The following RNMT variants were observed in gnomAD, a reference collection of about 807,000 sequenced individuals.
RNMT encodes mRNA cap guanine-N(7) methyltransferase.
RNMT carries 27 observed loss-of-function variants against 56.0 expected under a neutral mutation model. The observed-to-expected ratio is 0.48, with a 90% CI of 0.36 to 0.67. RNMT has a LOEUF of 0.67. RNMT is among the 30% of genes least tolerant of loss of function. RNMT has a pLI of 0.00. For synonymous variants in RNMT, 184 were observed against 176.2 expected (o/e 1.04, Z -0.35); for missense variants, 519 against 552.1 (o/e 0.94, Z 0.60).
chr18:13,730,610 C>A lies in RNMT; in HGVS notation c.-171-17C>A, dbSNP rs2149080949. 1 of 152,358 alleles carries A rather than the reference C, an allele frequency of 6.6e-6. No individual in the cohort carries two copies. The allele number at this position is 152,358 out of a possible 1,614,324, so 9.4% of individuals were successfully genotyped here. A position where few individuals can be genotyped will look rare whatever the true frequency, so the allele number is the denominator to read the frequency against. On this transcript the variant is annotated splice_polypyrimidine_tract_variant and intron_variant, in intron 1 of 11. Coordinates refer to ENST00000383314, the MANE Select transcript of RNMT (RefSeq NM_003799.3). ...TTTCTGTTTTATTCTTGATTAATCA[C>A]AATCCCTTACTAACAGGATGTGTGA... is the stretch of plus-strand genomic sequence containing the variant.
Position 13,731,595 on chromosome 18 carries a change from A to G in RNMT, c.78A>G (p.Thr26=), listed in dbSNP as rs567175070. The G allele has an allele frequency of 3.1e-6, 5 of 1,613,776 alleles. No individual in the cohort carries two copies. The African/African-American group carries it at 6.7e-5, about 22-fold the overall frequency. ...CAAAAGCGTCAGTGAATTCTGAAAC[A>G]GAGTCTTCATTCAATATTAATGAAA... ...EQAKASVNSE[T]ESSFNINENT... is the part of the protein sequence containing the mutation. Residue 26 remains threonine, a synonymous_variant, in exon 3 of 12, where the codon ACA becomes ACG. Transcript: ENST00000383314.
intron 8 of RNMT, among the ~76,000 whole-genome samples, chr18:13,745,667 C>G (rs181020818): frequency 6.9e-4 from 105 of 151,388 alleles, no homozygotes; most frequent in African/African-American, 1.9e-3. Flanking sequence ...AGCTGAACTA[C>G]CGATAGCTGG....
In RNMT at chr18:13,764,218, T is replaced by C. The variant is rs1598433954; in HGVS notation, c.*4239T>C. 2 of 152,202 alleles carry C rather than the reference T, an allele frequency of 1.3e-5. No individual in the cohort carries two copies. 9.4% of individuals were successfully genotyped at this position (152,202 alleles called of 1,614,324 possible). A position where few individuals can be genotyped will look rare whatever the true frequency, so the allele number is the denominator to read the frequency against. ...GTATCCAGACAGAGGCAAATCATTT[T>C]GTTTAACTTTTTATTAAAGTGTAAC... is the stretch of plus-strand genomic sequence containing the variant. On this transcript the variant is annotated 3_prime_UTR_variant, in exon 12 of 12. Coordinates refer to ENST00000383314, the MANE Select transcript of RNMT (RefSeq NM_003799.3).
At position 13,734,544 on chromosome 18, in the gene RNMT, A is replaced by G. The variant is rs1261047668; in HGVS notation, c.498A>G (p.Gln166=). ...LQEVGLEKRS[Q]SRIFYLRNFN... ...AAGTTGGTTTGGAGAAGCGTAGTCA[A>G]AGTCGTATTTTTTACCTAAGAAACT... Residue 166 remains glutamine, a synonymous_variant, in exon 4 of 12, where the codon CAA becomes CAG. Coordinates refer to ENST00000383314, the MANE Select transcript of RNMT (RefSeq NM_003799.3). 6.2e-7 allele frequency: 1 copy of G among 1,613,706 alleles called. No homozygotes were observed. The highest frequency in any genetic ancestry group is 8.5e-7 in the Non-Finnish European group (1 of 1,179,712).
chr18:13,757,688 G>A (rs974055283), intron 11 of RNMT, among the ~76,000 whole-genome samples: 5 of 152,092 alleles, frequency 3.3e-5, no homozygotes, highest in Non-Finnish European at 5.9e-5. Flanking sequence ...CATGCATGAG[G>A]GTTGGAATCC....
At position 13,731,527 on chromosome 18, in the gene RNMT, T is replaced by G; in HGVS notation, c.10T>G (p.Ser4Ala). 1 of 1,587,640 alleles carries G rather than the reference T, an allele frequency of 6.3e-7. No homozygotes were observed. The highest frequency in any genetic ancestry group is 1.2e-5 in the South Asian group (1 of 86,426). MAN[S>A]AKAEEYEKMS... The stretch of plus-strand genomic sequence containing the variant: ...ATTCAAGTAATCATAAATGGCAAAT[T>G]CTGCAAAAGCAGAAGAATATGAAAA... Residue 4 changes from serine to alanine, a missense_variant, in exon 3 of 12, where the codon TCT becomes GCT. Transcript: ENST00000383314.
intron 7 of RNMT, 94 bp from the exon 8 acceptor site, chr18:13,742,394 C>A: frequency 9.2e-7 from 1 of 1,085,694 alleles, no homozygotes; most frequent in Non-Finnish European, 1.3e-6. Flanking sequence ...AAGTGTGCAT[C>A]ATGTAGTTTT....
In RNMT at chr18:13,741,662, T is replaced by G; in HGVS notation, c.945T>G (p.Ile315Met). 1 of 1,613,348 alleles carries G rather than the reference T, an allele frequency of 6.2e-7. No homozygotes were observed. The highest frequency in any genetic ancestry group is 2.2e-5 in the East Asian group (1 of 44,866). The change falls in exon 7 of 12, where the codon ATT becomes ATG. Residue 315 changes from isoleucine (I) to methionine (M), a missense_variant. By Grantham distance (10) the Ile-to-Met change is conservative. Transcript: ENST00000383314. ...CERLSPGGYFIGTTPNSFELI... is the reference protein window; with the variant it reads ...CERLSPGGYFMGTTPNSFELI... ...GACTTAGCCCTGGGGGCTATTTTAT[T>G]GGTACTACTCCCAATAGCTTTGAAT...
chr18:13,755,066 T>C (rs1182212544), intron 11 of RNMT, among the ~76,000 whole-genome samples: 1 of 152,218 alleles, frequency 6.6e-6, no homozygotes, highest in African/African-American at 2.4e-5. Context: ...GTTGGTGATG[T>C]TGAGGCACAA....
In RNMT at chr18:13,762,965, C is replaced by A; in HGVS notation, c.*2986C>A. On this transcript the variant is annotated 3_prime_UTR_variant, in exon 12 of 12. Transcript: ENST00000383314. ...TGTTTTTTGTTGAAAAACTGACTTTCTGTTGTCTACCTCAGGCCTTGTGCA... is the reference window on the plus strand; with the variant it reads ...TGTTTTTTGTTGAAAAACTGACTTTATGTTGTCTACCTCAGGCCTTGTGCA... The A allele has an allele frequency of 2.6e-6, 1 of 384,272 alleles. No homozygotes were observed. 23.8% of individuals were successfully genotyped at this position (384,272 alleles called of 1,614,324 possible). A position where few individuals can be genotyped will look rare whatever the true frequency, so the allele number is the denominator to read the frequency against.
Position 13,732,572 on chromosome 18 carries a change from CTG to C in RNMT, c.417+639_417+640del, listed in dbSNP as rs751680724. 4.1e-4 allele frequency among the ~76,000 whole-genome samples: 63 copies of C among 152,174 alleles called. 1 individual carries two copies. Among genetic ancestry groups the C allele is most frequent in the Non-Finnish European group, 6.9e-4 (47 of 68,014 alleles). On this transcript the variant is annotated intron_variant, in intron 3 of 11. Coordinates refer to ENST00000383314, the MANE Select transcript of RNMT (RefSeq NM_003799.3). ...ATATTATAGGGCAAGTTGTTTTCAT[CTG>C]GAAGTACCACATTAGAAAGGAATTT... is the stretch of plus-strand genomic sequence containing the variant.
chr18:13,741,606 G>A lies in RNMT; in HGVS notation c.889G>A (p.Ala297Thr), dbSNP rs768472917. Residue 297 changes from alanine (A) to threonine (T), a missense_variant, in exon 7 of 12, where the codon GCT (alanine) becomes ACT (threonine). By Grantham distance (58) the Ala-to-Thr change is moderately conservative. Transcript: ENST00000383314. ...CHYSFESYEQ[A>T]DMMLRNACER... ...TTACTCATTTGAGTCTTATGAGCAG[G>A]CTGACATGATGCTGAGAAATGCGTG... 6.2e-7 allele frequency: 1 copy of A among 1,613,884 alleles called. No homozygotes were observed. The highest frequency in any genetic ancestry group is 8.5e-7 in the Non-Finnish European group (1 of 1,179,780).
In RNMT at chr18:13,734,464, A is replaced by C. The variant is rs1204331665; in HGVS notation, c.418A>C (p.Asn140His). The part of the protein sequence containing the change: ...ALEDVPEKQK[N>H]LEEGHSSTVA... ...TTTTTCTATTCTCTTTTATTTTCAG[A>C]ATCTGGAAGAAGGACACAGCTCAAC... Residue 140 changes from asparagine (N) to histidine (H), a missense_variant and splice_region_variant, in exon 4 of 12, where the codon AAT becomes CAT. Coordinates refer to ENST00000383314, the MANE Select transcript of RNMT (RefSeq NM_003799.3). 3 of 1,598,002 alleles carry C rather than the reference A, an allele frequency of 1.9e-6. No homozygotes were observed. In the Admixed American group the frequency reaches 5.4e-5, roughly 29 times the overall value.
intron 3 of RNMT, 89 bp from the exon 4 acceptor site, chr18:13,734,375 C>A: frequency 8.7e-7 from 1 of 1,151,544 alleles, no homozygotes; most frequent in Non-Finnish European, 1.2e-6. Context: ...ATTCTAATAG[C>A]ATTTTATCCA....
At position 13,761,843 on chromosome 18, in the gene RNMT, A is replaced by ACCCCCCCCCCCCCCCCC. The variant is rs1379263211; in HGVS notation, c.*1870_*1871insCCCCCCCCCCCCCCCCC. ...ATCAGTTCTTCCTCCACCACCCTACACCCCCCTCCCCCCGGCCCCAAGCCC... is the reference window on the plus strand; with the variant it reads ...ATCAGTTCTTCCTCCACCACCCTACACCCCCCCCCCCCCCCCCCCCCCCTCCCCCCGGCCCCAAGCCC... On this transcript the variant is annotated 3_prime_UTR_variant, in exon 12 of 12. Transcript: ENST00000383314. The ACCCCCCCCCCCCCCCCC allele has an allele frequency of 8.7e-7, 1 of 1,149,688 alleles. No homozygotes were observed. The highest frequency in any genetic ancestry group is 1.1e-6 in the Non-Finnish European group (1 of 920,686). 71.2% of individuals were successfully genotyped at this position (1,149,688 alleles called of 1,614,324 possible). A position where few individuals can be genotyped will look rare whatever the true frequency, so the allele number is the denominator to read the frequency against.
At chr18:13,742,434 T>G in intron 7 of RNMT, 54 bp from the exon 8 acceptor site, 1 of 1,539,922 alleles carries the variant, frequency 6.5e-7, no homozygotes, top group African/African-American at 1.4e-5. Flanking sequence ...AAAATAAGTC[T>G]ACACTAATCA....
intron 3 of RNMT, 123 bp downstream of exon 3, chr18:13,732,057 G>A: frequency 4.4e-6 from 3 of 688,404 alleles, no homozygotes; most frequent in Non-Finnish European, 6.8e-6. Flanking sequence ...AATAGATATG[G>A]TCCTAAGACA....
chr18:13,746,252 A>C lies in RNMT; in HGVS notation c.1172A>C (p.Tyr391Ser), dbSNP rs2044350212. The C allele has an allele frequency of 6.4e-7, 1 of 1,557,346 alleles. No individual in the cohort carries two copies. The highest frequency in any genetic ancestry group is 1.1e-5 in the South Asian group (1 of 87,666). Residue 391 changes from tyrosine to serine, a missense_variant, in exon 9 of 12, where the codon TAC becomes TCC. Tyr to Ser is a moderately radical substitution (Grantham distance 144). Coordinates refer to ENST00000383314, the MANE Select transcript of RNMT (RefSeq NM_003799.3). ...MAKKYNMKLV[Y>S]KKTFLEFYEE... ...AAGAAGTACAATATGAAACTAGTCTACAAAAAAACATTTCTGGAATTCTAC... is the reference window on the plus strand; with the variant it reads ...AAGAAGTACAATATGAAACTAGTCTCCAAAAAAACATTTCTGGAATTCTAC...
chr18:13,761,950 C>T lies in RNMT; in HGVS notation c.*1971C>T. Reference sequence around the variant, plus strand: ...GAGGACTAGAAAAGGCTTCCCCTGCCTATCCTCTCCGATCACCAAGGTGGA... The same window carrying T: ...GAGGACTAGAAAAGGCTTCCCCTGCTTATCCTCTCCGATCACCAAGGTGGA... On this transcript the variant is annotated 3_prime_UTR_variant, in exon 12 of 12. Transcript: ENST00000383314. The T allele has an allele frequency of 1.3e-6, 2 of 1,520,542 alleles. No individual in the cohort carries two copies. The highest frequency in any genetic ancestry group is 1.8e-6 in the Non-Finnish European group (2 of 1,139,254). 94.2% of individuals were successfully genotyped at this position (1,520,542 alleles called of 1,614,324 possible). A position where few individuals can be genotyped will look rare whatever the true frequency, so the allele number is the denominator to read the frequency against.
Sources: gnomAD v4.1 joint callset for allele counts (sites outside exome capture counted in the v4.1 genomes callset) on GRCh38, gnomAD v4.1.1 for gene constraint, MANE v1.5 for transcripts, NCBI Gene and HGNC (gene_info 2026-07-23, HGNC 2026-07-21) for gene names.